The following C8orf74 variants were observed in gnomAD, a reference collection of about 807,000 sequenced individuals.
C8orf74 encodes chromosome 8 open reading frame 74.
Under a neutral mutation model 22.2 loss-of-function variants are expected in C8orf74, and 29 were observed. The ratio of observed to expected loss-of-function variants is 1.31; its 90% confidence interval spans 0.97 to 1.78. C8orf74 has a LOEUF of 1.78. Among genes scored for constraint, C8orf74 ranks in the 40% most tolerant of loss-of-function variants. The pLI, the probability that C8orf74 is intolerant of heterozygous loss-of-function variation, is 0.00. For missense variants in C8orf74, 515 were observed against 369.9 expected (o/e 1.39, Z -3.22); for synonymous variants, 255 against 163.1 (o/e 1.56, Z -4.30).
chr8:10,689,184 C>T (rs1374967383), intron 2 of C8orf74: 3 of 152,258 alleles, frequency 2.0e-5, no homozygotes, highest in Non-Finnish European at 4.4e-5. Context: ...GGCAGCTCTA[C>T]CACCAGGTTC....
intron 2 of C8orf74, among the ~76,000 whole-genome samples, chr8:10,686,106 G>T (rs1270312672): frequency 6.6e-6 from 1 of 152,124 alleles, no homozygotes; most frequent in Non-Finnish European, 1.5e-5. Flanking sequence ...AATGGTCAGT[G>T]TTATGTTATG....
intron 2 of C8orf74, among the ~76,000 whole-genome samples, chr8:10,696,941 C>T (rs1799529938): frequency 1.4e-5 from 2 of 141,744 alleles, no homozygotes; most frequent in Admixed American, 7.1e-5. Context: ...GGGAGGATAG[C>T]TTATGCCCAG....
chr8:10,677,789 T>C (rs1460882735), intron 2 of C8orf74, among the ~76,000 whole-genome samples: 1 of 152,184 alleles, frequency 6.6e-6, no homozygotes, highest in Non-Finnish European at 1.5e-5. Flanking sequence ...TGCTCCTGTT[T>C]ATATAGCCGA....
chr8:10,681,596 C>T (rs1470701690), intron 2 of C8orf74, among the ~76,000 whole-genome samples: 1 of 152,220 alleles, frequency 6.6e-6, no homozygotes, highest in Non-Finnish European at 1.5e-5. Flanking sequence ...GAAACTGAGC[C>T]TGGAGGTGTC....
chr8:10,691,613 C>T (rs1295721688), intron 2 of C8orf74: 1 of 152,570 alleles, frequency 6.6e-6, no homozygotes, highest in Admixed American at 6.5e-5. Context: ...AAAATGATGG[C>T]CTCATGCCTG....
chr8:10,698,107 G>T (rs1799572307), intron 3 of C8orf74, 102 bp downstream of exon 3: 1 of 1,196,268 alleles, frequency 8.4e-7, no homozygotes, highest in Admixed American at 3.1e-5. Flanking sequence ...GGCACACAGG[G>T]GAGGGGGAGA....
chr8:10,676,531 G>T (rs1363712179), intron 2 of C8orf74, among the ~76,000 whole-genome samples: 2 of 152,200 alleles, frequency 1.3e-5, no homozygotes, highest in Non-Finnish European at 2.9e-5. Flanking sequence ...GGCATCCAGT[G>T]CTCCCAGCCT....
intron 2 of C8orf74, among the ~76,000 whole-genome samples, chr8:10,683,052 C>T (rs1350666419): frequency 3.3e-5 from 5 of 152,232 alleles, no homozygotes; most frequent in African/African-American, 7.2e-5. Flanking sequence ...ATTTGGACAA[C>T]GGGGACCTAT....
chr8:10,682,559 C>T (rs1799174142), intron 2 of C8orf74, among the ~76,000 whole-genome samples: 2 of 152,208 alleles, frequency 1.3e-5, no homozygotes, highest in African/African-American at 2.4e-5. Flanking sequence ...TGTGTGTCCA[C>T]ATTTTCTCTT....
chr8:10,692,183 C>G (rs140048071), intron 2 of C8orf74: 1 of 152,662 alleles, frequency 6.6e-6, no homozygotes, highest in East Asian at 1.9e-4. Flanking sequence ...GGAAGGGACA[C>G]AGGGCGTGTG....
chr8:10,687,174 G>T (rs781159378), intron 2 of C8orf74: 2 of 455,800 alleles, frequency 4.4e-6, no homozygotes, highest in South Asian at 3.1e-5. Context: ...ATTACTTATT[G>T]AGTGTTTACT....
Position 10,697,633 on chromosome 8 carries a change from G to GACAC in C8orf74, c.277_278insCACA (p.Asn93ThrfsTer5), listed in dbSNP as rs1799552021. On this transcript the variant is annotated frameshift_variant, in exon 3 of 4. Coordinates refer to ENST00000304519, the MANE Select transcript of C8orf74 (RefSeq NM_001040032.2). LOFTEE classifies it high-confidence loss of function. ...TTACTGAGGCTGTGACGATCCTGGGGAACAAGCTTAGAGATTACCGGGGCC... is the reference window on the plus strand; with the variant it reads ...TTACTGAGGCTGTGACGATCCTGGGGACACAACAAGCTTAGAGATTACCGGGGCC... 6 of 1,613,934 alleles carry GACAC rather than the reference G, an allele frequency of 3.7e-6. No individual in the cohort carries two copies. Among genetic ancestry groups the GACAC allele is most frequent in the Non-Finnish European group, 5.1e-6 (6 of 1,179,874 alleles).
chr8:10,674,227 C>A (rs1300658770), intron 1 of C8orf74, among the ~76,000 whole-genome samples: 1 of 143,066 alleles, frequency 7.0e-6, no homozygotes, highest in African/African-American at 2.6e-5. Context: ...TGCCCCACAA[C>A]CCCATATCAT....
At chr8:10,694,911 G>C (rs116541277) in intron 2 of C8orf74, among the ~76,000 whole-genome samples, 3,201 of 152,086 alleles carry the variant, frequency 0.021, 109 homozygotes, top group African/African-American at 0.069. Flanking sequence ...CGAATGGATG[G>C]GTGGACGGAT....
chr8:10,687,264 T>C (rs1799280770), intron 2 of C8orf74: 1 of 377,296 alleles, frequency 2.7e-6, no homozygotes, highest in African/African-American at 2.1e-5. Context: ...ATTGCCTCTA[T>C]TTTACAGGTA....
chr8:10,697,840 G>A lies in C8orf74; in HGVS notation c.483G>A (p.Leu161=). Residue 161 remains leucine (L), a synonymous_variant, in exon 3 of 4, where the codon TTG becomes TTA. Transcript: ENST00000304519. ...TGGCCGAGGGCATGGACAGGGACTT[G>A]TGGATCCACGAGCAGCAGGTGGCCA... ...LPLAEGMDRD[L]WIHEQQVATL... The A allele has an allele frequency of 6.2e-7, 1 of 1,613,706 alleles. No individual in the cohort carries two copies. The highest frequency in any genetic ancestry group is 8.5e-7 in the Non-Finnish European group (1 of 1,179,750).
chr8:10,688,227 G>C (rs1586043168), intron 2 of C8orf74: 1 of 149,144 alleles, frequency 6.7e-6, no homozygotes, highest in Admixed American at 6.7e-5. Context: ...AAAAAGAAAA[G>C]AAAAAAGAAA....
intron 2 of C8orf74, among the ~76,000 whole-genome samples, chr8:10,694,536 G>C (rs1250799424): frequency 6.6e-6 from 1 of 152,048 alleles, no homozygotes; most frequent in Non-Finnish European, 1.5e-5. Flanking sequence ...GAGCAGGTGG[G>C]GAATAATCAA....
At chr8:10,676,881 G>A (rs770868570) in intron 2 of C8orf74, among the ~76,000 whole-genome samples, 9 of 152,164 alleles carry the variant, frequency 5.9e-5, no homozygotes, top group Admixed American at 1.3e-4. Context: ...AATGTCAGCC[G>A]CAAGCAGGTG....
Sources: gnomAD v4.1 joint callset for allele counts (sites outside exome capture counted in the v4.1 genomes callset) on GRCh38, gnomAD v4.1.1 for gene constraint, MANE v1.5 for transcripts, NCBI Gene and HGNC (gene_info 2026-07-23, HGNC 2026-07-21) for gene names.